The following AMOTL1 variants were observed in gnomAD, a reference collection of about 807,000 sequenced individuals.
The protein encoded by AMOTL1 is angiomotin-like protein 1.
A neutral mutation model predicts 102.9 loss-of-function variants in AMOTL1; 45 were observed. The ratio of observed to expected loss-of-function variants is 0.44; its 90% CI spans 0.34 to 0.56. The LOEUF is 0.56. AMOTL1 is among the 20% of genes least tolerant of loss of function. AMOTL1 has a pLI of 0.01. For missense variants in AMOTL1, 1,114 were observed against 1,225.6 expected, an observed-to-expected ratio of 0.91 and a Z score of 1.36; for synonymous variants, 481 against 484.7, an observed-to-expected ratio of 0.99 and a Z score of 0.10.
chr11:94,814,823 A>G (rs1001846608), intron 3 of AMOTL1, among the ~76,000 whole-genome samples: 2 of 152,212 alleles, frequency 1.3e-5, no homozygotes, highest in South Asian at 2.1e-4. Flanking sequence ...ATGGGACTAT[A>G]ATGCCACTTA....
At chr11:94,792,787 T>C (rs905398895) in intron 1 of AMOTL1, among the ~76,000 whole-genome samples, 2 of 152,176 alleles carry the variant, frequency 1.3e-5, no homozygotes, top group African/African-American at 4.8e-5. Context: ...ATGCTTTAGT[T>C]CTTTCATGAC....
chr11:94,765,339 A>G (rs1377770253), upstream of AMOTL1, among the ~76,000 whole-genome samples: 2 of 152,252 alleles, frequency 1.3e-5, no homozygotes, highest in African/African-American at 4.8e-5. Flanking sequence ...CACAAACCAG[A>G]CATCAGAATC....
rs574299174 is a variant in AMOTL1, at chr11:94,843,921, AGTGCTGGACTTGGGGCTCTGGCACG to A, written c.1649-6190_1649-6166del. Among the ~76,000 whole-genome samples, 11 of 152,286 alleles carry A rather than the reference AGTGCTGGACTTGGGGCTCTGGCACG, an allele frequency of 7.2e-5. No individual in the cohort carries two copies. In the East Asian group the frequency reaches 2.1e-3, roughly 29 times the overall value. On this transcript the variant is annotated intron_variant, in intron 6 of 12. Transcript: ENST00000433060. Reference sequence around the variant, plus strand: ...AGGTTCATTCTCTGAGTGAACCTCCAGTGCTGGACTTGGGGCTCTGGCACGGTACATAGAGGGCCTGGACACTGTT... The same window carrying A: ...AGGTTCATTCTCTGAGTGAACCTCCAGTACATAGAGGGCCTGGACACTGTT...
intron 1 of AMOTL1, among the ~76,000 whole-genome samples, chr11:94,784,505 C>T (rs1285086289): frequency 1.3e-5 from 2 of 152,124 alleles, no homozygotes; most frequent in African/African-American, 4.8e-5. Context: ...AAACTACTGA[C>T]TTTAAATCTG....
chr11:94,869,607 CT>C, intron 12 of AMOTL1, 134 bp downstream of exon 12: 1 of 1,013,772 alleles, frequency 9.9e-7, no homozygotes, highest in Non-Finnish European at 1.4e-6. Context: ...TTCTAATGCA[CT>C]TAGGATATGT....
intron 3 of AMOTL1, among the ~76,000 whole-genome samples, chr11:94,802,017 G>T (rs1229742452): frequency 6.6e-6 from 1 of 152,210 alleles, no homozygotes; most frequent in African/African-American, 2.4e-5. Flanking sequence ...GCTGGAGGTT[G>T]GCAGAGGGAG....
Position 94,800,175 on chromosome 11 carries a change from G to A in AMOTL1, c.985G>A (p.Glu329Lys), listed in dbSNP as rs749881024. The change falls in exon 3 of 13, where the codon GAG (glutamate) becomes AAG (lysine). Residue 329 changes from glutamate (E) to lysine (K), a missense_variant. Transcript: ENST00000433060. ...QMMSPVSKTQ[E>K]HGLFYGDQHP... ...GATGTCCCCAGTCAGCAAGACCCAG[G>A]AGCACGGACTTTTTTATGGTGACCA... is the stretch of plus-strand genomic sequence containing the variant. 6 of 1,613,798 alleles carry A rather than the reference G, an allele frequency of 3.7e-6. No individual in the cohort carries two copies. Among genetic ancestry groups the A allele is most frequent in the Non-Finnish European group, 5.1e-6 (6 of 1,179,880 alleles).
chr11:94,794,835 G>A (rs1951337270), intron 1 of AMOTL1, among the ~76,000 whole-genome samples, 176 bp from the exon 2 acceptor site: 1 of 152,198 alleles, frequency 6.6e-6, no homozygotes, highest in Non-Finnish European at 1.5e-5. Flanking sequence ...TTGGTGGGTG[G>A]CTGGACTTGT....
At chr11:94,781,255 A>G (rs1030568764) in intron 1 of AMOTL1, among the ~76,000 whole-genome samples, 1 of 152,106 alleles carries the variant, frequency 6.6e-6, no homozygotes, top group Non-Finnish European at 1.5e-5. Context: ...TTATTTAACC[A>G]ACAGGGGTCC....
chr11:94,796,059 T>G (rs1951359736), intron 2 of AMOTL1, among the ~76,000 whole-genome samples: 1 of 152,258 alleles, frequency 6.6e-6, no homozygotes, highest in Non-Finnish European at 1.5e-5. Flanking sequence ...ATTACAAATA[T>G]TTGGCAATTC....
At chr11:94,761,596 G>A (rs1950794267) in intron 3 of AMOTL1, among the ~76,000 whole-genome samples, 1 of 152,156 alleles carries the variant, frequency 6.6e-6, no homozygotes, top group Non-Finnish European at 1.5e-5. Flanking sequence ...CTTGTACCTA[G>A]CATGATACTG....
chr11:94,815,808 AT>A (rs1312564244), intron 3 of AMOTL1, among the ~76,000 whole-genome samples: 1 of 152,252 alleles, frequency 6.6e-6, no homozygotes, highest in Non-Finnish European at 1.5e-5. Context: ...AGAATCTTGT[AT>A]GGTAAATTTT....
intron 2 of AMOTL1, among the ~76,000 whole-genome samples, chr11:94,798,816 T>A (rs1002143308): frequency 1.3e-5 from 2 of 152,062 alleles, no homozygotes; most frequent in Non-Finnish European, 2.9e-5. Flanking sequence ...TAACCAACCA[T>A]GTCAAATGCT....
chr11:94,760,680 A>G (rs925401568), intron 3 of AMOTL1, among the ~76,000 whole-genome samples: 4 of 152,160 alleles, frequency 2.6e-5, no homozygotes, highest in African/African-American at 9.7e-5. Context: ...CTGTTATTGC[A>G]GTCCTAGTCT....
In AMOTL1 at chr11:94,762,305, TCAATTAATC is replaced by T. The variant is rs572459971; in HGVS notation, c.136+21318_136+21326del. On this transcript the variant is annotated intron_variant, in intron 3 of 4. Coordinates refer to the AMOTL1 transcript ENST00000299004. ...GGAGCTTCTTTTAAAGTGGGTAACA[TCAATTAATC>T]AACTAACTCAGTGGTTCTCAATCAG... Among the ~76,000 whole-genome samples the T allele has an allele frequency of 6.8e-4, 103 of 152,350 alleles. 2 individuals are homozygous for T. In the South Asian group the frequency reaches 0.011, roughly 16 times the overall value.
upstream of AMOTL1, among the ~76,000 whole-genome samples, chr11:94,763,825 A>G (rs1448632786): frequency 6.6e-6 from 1 of 152,098 alleles, no homozygotes; most frequent in Non-Finnish European, 1.5e-5. Flanking sequence ...AGGTGGAGGA[A>G]GATCTGTGTG....
chr11:94,710,644 C>T (rs185180161), intron 1 of AMOTL1, among the ~76,000 whole-genome samples: 1 of 152,260 alleles, frequency 6.6e-6, no homozygotes, highest in Admixed American at 6.5e-5. Flanking sequence ...CTGGCAAACC[C>T]AGAGCTTCAG....
At chr11:94,861,525 A>G (rs777350449) in intron 9 of AMOTL1, among the ~76,000 whole-genome samples, 1 of 152,204 alleles carries the variant, frequency 6.6e-6, no homozygotes, top group Non-Finnish European at 1.5e-5. Flanking sequence ...TTTAATGGAA[A>G]GAACGTTGCA....
At chr11:94,794,588 A>G (rs1951333873) in intron 1 of AMOTL1, among the ~76,000 whole-genome samples, 1 of 152,288 alleles carries the variant, frequency 6.6e-6, no homozygotes, top group Non-Finnish European at 1.5e-5. Flanking sequence ...TCTTTTATGT[A>G]TTTTGAAAGA....
Sources: allele counts gnomAD v4.1 joint callset (sites outside exome capture counted in the v4.1 genomes callset), GRCh38; gene constraint gnomAD v4.1.1; transcripts MANE v1.5; gene names NCBI Gene and HGNC (gene_info 2026-07-23, HGNC 2026-07-21).